The following ACP3 variants were observed in gnomAD, a reference collection of about 807,000 sequenced individuals.
ACP3 encodes acid phosphatase 3.
Under a neutral mutation model 45.6 loss-of-function variants are expected in ACP3, and 38 were observed. The observed-to-expected ratio is 0.83, with a 90% CI of 0.64 to 1.09. The LOEUF is 1.09. Among genes scored for constraint, ACP3 ranks in the 50% least tolerant of loss-of-function variants. ACP3 has a pLI of 0.00. For synonymous variants in ACP3, 162 were observed against 164.7 expected (o/e 0.98, Z 0.13); for missense variants, 466 against 463.2 (o/e 1.01, Z -0.05).
chr3:132,344,284 A>G (rs1937583513), intron 6 of ACP3, among the ~76,000 whole-genome samples: 1 of 151,346 alleles, frequency 6.6e-6, no homozygotes, highest in African/African-American at 2.4e-5. Context: ...TCTCAAAAAA[A>G]AAAAAAAAAA....
intron 5 of ACP3, 132 bp downstream of exon 5, chr3:132,337,686 A>G (rs1336995260): frequency 5.3e-6 from 3 of 564,844 alleles, no homozygotes; most frequent in Non-Finnish European, 9.5e-6. Flanking sequence ...GGCTGGTTAC[A>G]GCAATGGGTT....
chr3:132,352,677 T>C (rs367624681), intron 8 of ACP3, 43 bp from the exon 9 acceptor site: 323 of 1,385,882 alleles, frequency 2.3e-4, no homozygotes, highest in Non-Finnish European at 3.2e-4. Flanking sequence ...ACCTATTGAA[T>C]GTGAATCTGA....
At chr3:132,319,669 A>G (rs984576494) in intron 1 of ACP3, among the ~76,000 whole-genome samples, 1 of 152,230 alleles carries the variant, frequency 6.6e-6, no homozygotes, top group African/African-American at 2.4e-5. Context: ...TTGAGGCACA[A>G]AAAGGTTAAG....
At chr3:132,330,331 A>G (rs1937378259) in intron 2 of ACP3, among the ~76,000 whole-genome samples, 1 of 152,176 alleles carries the variant, frequency 6.6e-6, no homozygotes, top group Non-Finnish European at 1.5e-5. Flanking sequence ...TAATCATAAG[A>G]TGATGGCTGT....
intron 5 of ACP3, among the ~76,000 whole-genome samples, chr3:132,338,415 C>T (rs1351187142): frequency 6.6e-6 from 1 of 151,764 alleles, no homozygotes; most frequent in African/African-American, 2.4e-5. Context: ...ATTTATTTAA[C>T]CAGCCCCTAT....
chr3:132,354,168 G>C (rs1322110935), intron 9 of ACP3, among the ~76,000 whole-genome samples: 2 of 152,054 alleles, frequency 1.3e-5, no homozygotes, highest in African/African-American at 4.8e-5. Flanking sequence ...GCCAGCTCTG[G>C]GCACAGAGTT....
chr3:132,317,952 T>G (rs1937139441), intron 1 of ACP3, among the ~76,000 whole-genome samples: 1 of 152,262 alleles, frequency 6.6e-6, no homozygotes, highest in South Asian at 2.1e-4. Context: ...ATTATTTGTT[T>G]GCAAGCCAAA....
exon 11 of ACP3, chr3:132,367,919 A>G (rs1427206491): frequency 1.1e-6 from 1 of 900,392 alleles, no homozygotes; most frequent in Non-Finnish European, 1.8e-6. Context: ...GGGCATTGCC[A>G]TCCTCACACC....
At chr3:132,356,594 A>G (rs1937903627) in intron 9 of ACP3, 92 bp from the exon 10 acceptor site, 1 of 1,590,534 alleles carries the variant, frequency 6.3e-7, no homozygotes. Flanking sequence ...TAGTCCCTCA[A>G]CTGGCATGTA....
chr3:132,363,326 C>G (rs547579735), downstream of ACP3, among the ~76,000 whole-genome samples: 57 of 152,288 alleles, frequency 3.7e-4, no homozygotes, highest in Non-Finnish European at 6.6e-4. Flanking sequence ...CAATCCCACA[C>G]TGGAGACAAA....
At position 132,356,722 on chromosome 3, in the gene ACP3, G is replaced by A. The variant is rs1004695850; in HGVS notation, c.1005G>A (p.Thr335=). 9.9e-6 allele frequency: 16 copies of A among 1,614,130 alleles called. No individual in the cohort carries two copies. Among genetic ancestry groups the A allele is most frequent in the Middle Eastern group, 1.7e-4 (1 of 6,044 alleles). Reference sequence around the variant, plus strand: ...TGGAGATGTACTATCGGAATGAGACGCAGCACGAGCCGTATCCCCTCATGC... The same window carrying A: ...TGGAGATGTACTATCGGAATGAGACACAGCACGAGCCGTATCCCCTCATGC... ...YFVEMYYRNE[T]QHEPYPLMLP... is the part of the protein sequence containing the mutation. Residue 335 remains threonine, a synonymous_variant, in exon 10 of 10, where the codon ACG becomes ACA. Transcript: ENST00000336375.
intron 1 of ACP3, among the ~76,000 whole-genome samples, chr3:132,324,895 C>T (rs551813236): frequency 6.6e-6 from 1 of 152,180 alleles, no homozygotes; most frequent in South Asian, 2.1e-4. Context: ...CCTGCCTCAG[C>T]CTCCCAAAGT....
chr3:132,344,753 T>C (rs1443604653), intron 6 of ACP3, among the ~76,000 whole-genome samples, 174 bp from the exon 7 acceptor site: 1 of 152,180 alleles, frequency 6.6e-6, no homozygotes, highest in African/African-American at 2.4e-5. Flanking sequence ...TATATAAGCT[T>C]TTCTTCTGAA....
chr3:132,338,488 G>T (rs1025085951), intron 5 of ACP3, among the ~76,000 whole-genome samples: 1 of 151,948 alleles, frequency 6.6e-6, no homozygotes, highest in African/African-American at 2.4e-5. Flanking sequence ...TGAATAACTT[G>T]TGCATCTAAA....
At chr3:132,327,356 A>C (rs1481821055) in intron 1 of ACP3, among the ~76,000 whole-genome samples, 2 of 151,738 alleles carry the variant, frequency 1.3e-5, no homozygotes, top group Non-Finnish European at 2.9e-5. Context: ...TCTACTAAAA[A>C]TACAAAGATT....
intron 1 of ACP3, among the ~76,000 whole-genome samples, chr3:132,325,647 T>C (rs1937287010): frequency 9.2e-6 from 1 of 108,978 alleles, no homozygotes; most frequent in Non-Finnish European, 1.9e-5. Flanking sequence ...GAAAAGAGTA[T>C]ACTAAGTAGA....
Position 132,358,498 on chromosome 3 carries a change from CTG to C in ACP3, c.*1623_*1624del. Reference sequence around the variant, plus strand: ...GGCAGATCTACATGTCTAGAGAACACTGTGCTCTATTACCATTATGGATAAAG... The same window carrying C: ...GGCAGATCTACATGTCTAGAGAACACTGCTCTATTACCATTATGGATAAAG... On this transcript the variant is annotated 3_prime_UTR_variant, in exon 10 of 10. Transcript: ENST00000336375. 2.4e-6 allele frequency: 3 copies of C among 1,263,692 alleles called. No homozygotes were observed. The highest frequency in any genetic ancestry group is 3.1e-6 in the Non-Finnish European group (3 of 973,032). 78.3% of individuals were successfully genotyped at this position (1,263,692 alleles called of 1,614,324 possible). A position where few individuals can be genotyped will look rare whatever the true frequency, so the allele number is the denominator to read the frequency against.
chr3:132,360,854 C>CT (rs1243225628), downstream of ACP3, among the ~76,000 whole-genome samples: 1 of 152,204 alleles, frequency 6.6e-6, no homozygotes, highest in Non-Finnish European at 1.5e-5. Context: ...CATGTTTCCT[C>CT]TTTGAGTGTT....
intron 4 of ACP3, among the ~76,000 whole-genome samples, chr3:132,336,772 A>G (rs1937498224): frequency 6.6e-6 from 1 of 152,142 alleles, no homozygotes; most frequent in South Asian, 2.1e-4. Flanking sequence ...TATTTCTACC[A>G]AGGGCTAGAA....
Sources: gnomAD v4.1 joint callset for allele counts (sites outside exome capture counted in the v4.1 genomes callset) on GRCh38, gnomAD v4.1.1 for gene constraint, MANE v1.5 for transcripts, NCBI Gene and HGNC (gene_info 2026-07-23, HGNC 2026-07-21) for gene names.